The following FHIT variants were observed in gnomAD, a reference collection of about 807,000 sequenced individuals.
FHIT encodes the protein bis(5'-adenosyl)-triphosphatase.
FHIT carries 19 observed loss-of-function variants against 17.9 expected under a neutral mutation model. The ratio of observed to expected loss-of-function variants is 1.06; its 90% CI spans 0.74 to 1.56. FHIT has a LOEUF of 1.56. FHIT is among the 40% of genes most tolerant of loss of function. FHIT has a pLI of 0.00. For synonymous variants in FHIT, 81 were observed against 69.7 expected, an observed-to-expected ratio of 1.16 and a Z score of -0.81; for missense variants, 248 against 189.2, an observed-to-expected ratio of 1.31 and a Z score of -1.82.
At chr3:60,139,657 C>A (rs150814729) in intron 5 of FHIT, among the ~76,000 whole-genome samples, 19 of 152,210 alleles carry the variant, frequency 1.2e-4, no homozygotes, top group African/African-American at 4.3e-4. Flanking sequence ...AAAGGAGGGG[C>A]TATTCCACTT....
chr3:60,352,527 A>G (rs73107048), intron 5 of FHIT, among the ~76,000 whole-genome samples: 20,304 of 151,872 alleles, frequency 0.13, 1,478 homozygotes, highest in Non-Finnish European at 0.16. Context: ...TAAGAGATGG[A>G]GTCTTACTCT....
intron 7 of FHIT, among the ~76,000 whole-genome samples, chr3:59,988,636 G>A (rs1391274377): frequency 2.0e-5 from 3 of 151,982 alleles, no homozygotes; most frequent in Non-Finnish European, 4.4e-5. Context: ...ACAGTCTCCT[G>A]GTGAAGGATT....
At chr3:59,897,062 C>T (rs1704104354) in intron 8 of FHIT, among the ~76,000 whole-genome samples, 1 of 152,114 alleles carries the variant, frequency 6.6e-6, no homozygotes, top group African/African-American at 2.4e-5. Flanking sequence ...TTTCCAACTG[C>T]AGTTCTTATC....
chr3:60,871,049 T>A (rs1187356680), intron 3 of FHIT, among the ~76,000 whole-genome samples: 1 of 152,088 alleles, frequency 6.6e-6, no homozygotes, highest in African/African-American at 2.4e-5. Flanking sequence ...GAGAACATGA[T>A]TTTTAGGAAG....
intron 5 of FHIT, among the ~76,000 whole-genome samples, chr3:60,418,939 A>AC (rs1702369274): frequency 6.6e-6 from 1 of 152,198 alleles, no homozygotes; most frequent in African/African-American, 2.4e-5. Flanking sequence ...GGATCTGAAA[A>AC]CATATAGAAT....
At chr3:60,385,585 A>G (rs1422410180) in intron 5 of FHIT, among the ~76,000 whole-genome samples, 1 of 152,158 alleles carries the variant, frequency 6.6e-6, no homozygotes, top group Non-Finnish European at 1.5e-5. Flanking sequence ...TATATAATAC[A>G]ATTTTTGTAA....
chr3:60,666,683 G>C (rs1299720609), intron 4 of FHIT, among the ~76,000 whole-genome samples: 1 of 151,886 alleles, frequency 6.6e-6, no homozygotes, highest in Non-Finnish European at 1.5e-5. Context: ...TTATTTGTTT[G>C]TTTGAGACAG....
At chr3:60,753,626 T>C (rs2042513029) in intron 4 of FHIT, among the ~76,000 whole-genome samples, 1 of 152,210 alleles carries the variant, frequency 6.6e-6, no homozygotes, top group South Asian at 2.1e-4. Flanking sequence ...TAATCTAATA[T>C]AATCCCAAGT....
At chr3:60,538,320 C>T (rs920974928) in intron 4 of FHIT, among the ~76,000 whole-genome samples, 1 of 152,198 alleles carries the variant, frequency 6.6e-6, no homozygotes, top group Non-Finnish European at 1.5e-5. Flanking sequence ...ACATTCTATG[C>T]TCATGGATAG....
At chr3:59,798,248 T>C (rs9867334) in intron 8 of FHIT, among the ~76,000 whole-genome samples, 2,188 of 152,282 alleles carry the variant, frequency 0.014, 42 homozygotes, top group African/African-American at 0.047. Flanking sequence ...CGCCCAGCAA[T>C]GTTTTATCAC....
intron 4 of FHIT, among the ~76,000 whole-genome samples, chr3:60,538,337 C>T (rs1043109625): frequency 1.3e-5 from 2 of 152,096 alleles, no homozygotes; most frequent in African/African-American, 2.4e-5. Flanking sequence ...ATAGGAAGAA[C>T]CAGTATTGAG....
intron 8 of FHIT, among the ~76,000 whole-genome samples, chr3:59,825,961 T>G (rs1700963220): frequency 6.6e-6 from 1 of 152,230 alleles, no homozygotes; most frequent in Non-Finnish European, 1.5e-5. Flanking sequence ...TCCCTAAGGC[T>G]GCTTTCTTGC....
intron 8 of FHIT, among the ~76,000 whole-genome samples, chr3:59,834,149 G>C (rs1460798209): frequency 6.6e-6 from 1 of 152,192 alleles, no homozygotes; most frequent in Non-Finnish European, 1.5e-5. Flanking sequence ...CAATGGTCAT[G>C]CACATTGGCT....
chr3:59,930,808 G>A (rs1247448045), intron 7 of FHIT, among the ~76,000 whole-genome samples: 1 of 152,114 alleles, frequency 6.6e-6, no homozygotes, highest in African/African-American at 2.4e-5. Flanking sequence ...ACAAAGCAAT[G>A]GCAGGGCTGG....
chr3:60,131,533 T>G (rs1277923241), intron 5 of FHIT, among the ~76,000 whole-genome samples: 2 of 152,138 alleles, frequency 1.3e-5, no homozygotes, highest in Non-Finnish European at 1.5e-5. Context: ...CTGCCTATGC[T>G]CTGTGTCCTT....
At position 60,849,013 on chromosome 3, in the gene FHIT, T is replaced by G. The variant is rs558563272; in HGVS notation, c.-110-27002A>C. Among the ~76,000 whole-genome samples the G allele has an allele frequency of 6.6e-5, 10 of 152,286 alleles. No individual in the cohort carries two copies. In the South Asian group the frequency reaches 2.1e-3, roughly 32 times the overall value. On this transcript the variant is annotated intron_variant, in intron 3 of 9. Coordinates refer to ENST00000492590, the MANE Select transcript of FHIT (RefSeq NM_002012.4). ...GGATATAACATTATGAGCCTCTATT[T>G]CAGAAAATACATTCCTTTTAAAGTA...
chr3:60,919,644 A>G (rs1472532383), intron 3 of FHIT, among the ~76,000 whole-genome samples: 2 of 152,208 alleles, frequency 1.3e-5, no homozygotes, highest in East Asian at 1.9e-4. Flanking sequence ...GAAGATAACC[A>G]ATATACAAAC....
At chr3:59,816,270 C>G (rs1181310285) in intron 8 of FHIT, among the ~76,000 whole-genome samples, 5 of 152,176 alleles carry the variant, frequency 3.3e-5, no homozygotes, top group African/African-American at 9.7e-5. Context: ...TATGTGACAC[C>G]TGGCACACAG....
chr3:61,187,602 C>A (rs1157531600), intron 2 of FHIT, among the ~76,000 whole-genome samples: 1 of 152,212 alleles, frequency 6.6e-6, no homozygotes, highest in African/African-American at 2.4e-5. Context: ...CTACAGAACT[C>A]TCCATCCCAA....
Sources: allele counts gnomAD v4.1 joint callset (sites outside exome capture counted in the v4.1 genomes callset), GRCh38; gene constraint gnomAD v4.1.1; transcripts MANE v1.5; gene names NCBI Gene and HGNC (gene_info 2026-07-23, HGNC 2026-07-21).